Variants in HNRNPLL observed in about 807,000 individuals in gnomAD.
HNRNPLL encodes heterogeneous nuclear ribonucleoprotein L-like.
A neutral mutation model predicts 67.1 loss-of-function variants in HNRNPLL; 25 were observed. The observed-to-expected ratio is 0.37, with a 90% CI of 0.27 to 0.52. The LOEUF (loss-of-function observed/expected upper bound fraction) is 0.52, where lower values mean the gene tolerates loss of function less well. HNRNPLL is among the 20% of genes least tolerant of loss of function. The pLI is 0.90. For synonymous variants in HNRNPLL, 267 were observed against 241.7 expected (o/e 1.10, Z -0.97); for missense variants, 542 against 673.9 (o/e 0.80, Z 2.17).
At chr2:38,588,643 A>G (rs1442017757) in intron 2 of HNRNPLL, among the ~76,000 whole-genome samples, 1 of 152,074 alleles carries the variant, frequency 6.6e-6, no homozygotes, top group African/African-American at 2.4e-5. Context: ...GAAAAAATTA[A>G]AATGTTTTAT....
chr2:38,582,403 C>T (rs148269381), intron 4 of HNRNPLL, among the ~76,000 whole-genome samples: 3,106 of 152,164 alleles, frequency 0.02, 40 homozygotes, highest in Non-Finnish European at 0.028. Context: ...CTCCACCTCC[C>T]GGGTTCAAGC....
chr2:38,582,692 G>C (rs529724523), intron 4 of HNRNPLL, among the ~76,000 whole-genome samples: 1 of 152,172 alleles, frequency 6.6e-6, no homozygotes, highest in East Asian at 1.9e-4. Flanking sequence ...GGCTGAACCA[G>C]GTGAACAGCC....
intron 4 of HNRNPLL, 47 bp downstream of exon 4, chr2:38,583,794 G>C (rs1295868794): frequency 3.4e-6 from 3 of 876,694 alleles, no homozygotes; most frequent in Admixed American, 2.5e-5. Context: ...GAAAAAATAA[G>C]ATCCGTATGA....
At chr2:38,566,499 C>T (rs1204206063) in intron 12 of HNRNPLL, among the ~76,000 whole-genome samples, 1 of 151,750 alleles carries the variant, frequency 6.6e-6, no homozygotes, top group South Asian at 2.1e-4. Context: ...ATCTATCATA[C>T]TGGTAAAAAT....
chr2:38,572,991 G>C (rs1239433128), intron 8 of HNRNPLL, among the ~76,000 whole-genome samples: 1 of 151,748 alleles, frequency 6.6e-6, no homozygotes, highest in African/African-American at 2.4e-5. Context: ...TTTTATATTG[G>C]TTATTTTAAA....
chr2:38,564,996 G>GAA (rs555303643), intron 12 of HNRNPLL, among the ~76,000 whole-genome samples: 2 of 118,486 alleles, frequency 1.7e-5, no homozygotes, highest in Middle Eastern at 4.2e-3. Flanking sequence ...TGAAATTACT[G>GAA]AAAAAAAAAA....
chr2:38,564,081 CA>C lies in HNRNPLL; in HGVS notation c.*100del. ...TTACAGAACAGGATCTTAAAGTAAG[CA>C]AGGCAACATGAGATCAACCATTTTA... On this transcript the variant is annotated 3_prime_UTR_variant, in exon 13 of 13. Coordinates refer to ENST00000449105, the MANE Select transcript of HNRNPLL (RefSeq NM_138394.4). 1 of 769,446 alleles carries C rather than the reference CA, an allele frequency of 1.3e-6. No individual in the cohort carries two copies. The highest frequency in any genetic ancestry group is 2.3e-6 in the Non-Finnish European group (1 of 433,316). The allele number at this position is 769,446 out of a possible 1,614,324, so 47.7% of individuals were successfully genotyped here.
At chr2:38,566,495 C>CAT (rs1665866279) in intron 12 of HNRNPLL, among the ~76,000 whole-genome samples, 1 of 151,738 alleles carries the variant, frequency 6.6e-6, no homozygotes, top group African/African-American at 2.4e-5. Context: ...TTTCATCTAT[C>CAT]ATACTGGTAA....
At position 38,602,834 on chromosome 2, in the gene HNRNPLL, G is replaced by A; in HGVS notation, c.-208C>T. On this transcript the variant is annotated 5_prime_UTR_variant, in exon 1 of 13. Coordinates refer to ENST00000449105, the MANE Select transcript of HNRNPLL (RefSeq NM_138394.4). ...GGGGGCGCCCCGGGAGGAAGCTCTG[G>A]AGCGGCCGCTCCTCTCAATTACCGA... 6.5e-7 allele frequency: 1 copy of A among 1,548,898 alleles called. No homozygotes were observed. Among genetic ancestry groups the A allele is most frequent in the Non-Finnish European group, 8.7e-7 (1 of 1,146,212 alleles).
chr2:38,566,352 A>G (rs1394240214), intron 12 of HNRNPLL, among the ~76,000 whole-genome samples: 2 of 144,606 alleles, frequency 1.4e-5, no homozygotes, highest in Admixed American at 6.9e-5. Flanking sequence ...TGGGGGACAG[A>G]GCAAGACTCG....
intron 12 of HNRNPLL, among the ~76,000 whole-genome samples, chr2:38,566,578 G>GT (rs1665869891): frequency 6.6e-6 from 1 of 151,910 alleles, no homozygotes; most frequent in Non-Finnish European, 1.5e-5. Flanking sequence ...ATCACGGTTG[G>GT]TAACGTAAAC....
Position 38,585,731 on chromosome 2 carries a change from G to A in HNRNPLL, c.459C>T (p.Ile153=), listed in dbSNP as rs1666700043. Reference sequence around the variant, plus strand: ...GATCATCAGTATTTCCTGGCCGAGTGATCCTTTTGCTTGTAGAATAGTTGA... The same window carrying A: ...GATCATCAGTATTTCCTGGCCGAGTAATCCTTTTGCTTGTAGAATAGTTGA... ...AFFNYSTSKR[I]TRPGNTDDPS... is the part of the protein sequence containing the mutation. Residue 153 remains isoleucine, a synonymous_variant, in exon 3 of 13, where the codon ATC becomes ATT. Coordinates refer to ENST00000449105, the MANE Select transcript of HNRNPLL (RefSeq NM_138394.4). The A allele has an allele frequency of 1.2e-6, 2 of 1,613,822 alleles. No individual in the cohort carries two copies. The highest frequency in any genetic ancestry group is 1.7e-6 in the Non-Finnish European group (2 of 1,179,764).
chr2:38,564,264 T>C, intron 12 of HNRNPLL, 27 bp from the exon 13 acceptor site: 1 of 1,280,078 alleles, frequency 7.8e-7, no homozygotes, highest in Non-Finnish European at 1.1e-6. Flanking sequence ...ACAGTTAATA[T>C]TTCACTTCAT....
At chr2:38,571,076 T>A (rs1358604673) in intron 8 of HNRNPLL, among the ~76,000 whole-genome samples, 1 of 151,908 alleles carries the variant, frequency 6.6e-6, no homozygotes, top group East Asian at 1.9e-4. Flanking sequence ...CTGTAGACAG[T>A]ACTGAAAGAT....
At chr2:38,599,007 G>A (rs754323259) in intron 1 of HNRNPLL, among the ~76,000 whole-genome samples, 21 of 152,168 alleles carry the variant, frequency 1.4e-4, no homozygotes, top group Admixed American at 1.3e-4. Context: ...TCCTGTGAGA[G>A]CTAAGTGACC....
At position 38,602,883 on chromosome 2, in the gene HNRNPLL, T is replaced by C. The variant is rs749963791; in HGVS notation, c.-257A>G. On this transcript the variant is annotated 5_prime_UTR_variant, in exon 1 of 13. Transcript: ENST00000449105. ...GAGCCAACATTCAGCCTCTCCCTCC[T>C]CCTCCTCCGTCTCCGCTCCCTGCCC... 8.4e-6 allele frequency: 13 copies of C among 1,548,042 alleles called. 1 individual carries two copies. The South Asian group carries it at 1.5e-4, about 18-fold the overall frequency.
intron 1 of HNRNPLL, among the ~76,000 whole-genome samples, chr2:38,600,275 C>A (rs567203660): frequency 3.9e-4 from 57 of 147,198 alleles, no homozygotes; most frequent in African/African-American, 1.2e-3. Context: ...CCTCAATCTG[C>A]TTATATCAGT....
chr2:38,592,826 G>T (rs1270876608), intron 1 of HNRNPLL, among the ~76,000 whole-genome samples: 1 of 152,084 alleles, frequency 6.6e-6, no homozygotes, highest in Non-Finnish European at 1.5e-5. Flanking sequence ...ATTTTTTAAA[G>T]TTTTTTTCTC....
chr2:38,585,025 T>A (rs187571041), intron 3 of HNRNPLL, among the ~76,000 whole-genome samples: 139 of 152,320 alleles, frequency 9.1e-4, no homozygotes, highest in African/African-American at 3.2e-3. Context: ...CCAGACTACA[T>A]ATGATACCAA....
Sources: allele counts gnomAD v4.1 joint callset (sites outside exome capture counted in the v4.1 genomes callset), GRCh38; gene constraint gnomAD v4.1.1; transcripts MANE v1.5; gene names NCBI Gene and HGNC (gene_info 2026-07-23, HGNC 2026-07-21).